POT1: variants seen among roughly 807,000 people sequenced by gnomAD.
POT1 encodes the protein protection of telomeres 1.
A neutral mutation model predicts 78.5 loss-of-function variants in POT1; 47 were observed. The ratio of observed to expected loss-of-function variants is 0.60; its 90% CI spans 0.47 to 0.76. POT1 has a LOEUF of 0.76. POT1 is among the 30% of genes least tolerant of loss of function. The probability of loss-of-function intolerance (pLI) is 0.00; values close to 1 mark genes in which losing one functional copy is unlikely to be tolerated. For missense variants in POT1, 646 were observed against 749.9 expected (o/e 0.86, Z 1.62); for synonymous variants, 259 against 260.7 (o/e 0.99, Z 0.06).
At chr7:124,834,071 C>T (rs187553393) in intron 15 of POT1, among the ~76,000 whole-genome samples, 1 of 152,192 alleles carries the variant, frequency 6.6e-6, no homozygotes, top group Admixed American at 6.5e-5. Context: ...AAAACTGAAA[C>T]TGGATCCCCT....
intron 8 of POT1, 34 bp from the exon 9 acceptor site, chr7:124,859,146 T>G: frequency 3.5e-6 from 5 of 1,429,386 alleles, no homozygotes; most frequent in Non-Finnish European, 4.6e-6. Context: ...TTTATGATCC[T>G]TTTGAAAAAA....
intron 14 of POT1, among the ~76,000 whole-genome samples, chr7:124,835,692 C>T (rs1794883709): frequency 6.6e-6 from 1 of 152,078 alleles, no homozygotes; most frequent in Non-Finnish European, 1.5e-5. Context: ...TTCAGGAACA[C>T]TTTGGTTCAA....
At chr7:124,860,264 C>T (rs1795554817) in intron 8 of POT1, among the ~76,000 whole-genome samples, 1 of 151,930 alleles carries the variant, frequency 6.6e-6, no homozygotes, top group South Asian at 2.1e-4. Flanking sequence ...CTACAGTAAT[C>T]ACTAAATAGA....
chr7:124,836,987 A>G (rs1794914873), intron 14 of POT1, among the ~76,000 whole-genome samples: 1 of 152,240 alleles, frequency 6.6e-6, no homozygotes, highest in Non-Finnish European at 1.5e-5. Flanking sequence ...TTACATGTAT[A>G]TATGTGCATA....
chr7:124,847,983 G>C (rs142375723), intron 11 of POT1, among the ~76,000 whole-genome samples: 1 of 152,204 alleles, frequency 6.6e-6, no homozygotes, highest in African/African-American at 2.4e-5. Context: ...ATAACAACTA[G>C]AAATTCCTAT....
At chr7:124,877,556 A>G (rs886575816) in intron 6 of POT1, among the ~76,000 whole-genome samples, 2 of 151,860 alleles carry the variant, frequency 1.3e-5, no homozygotes, top group African/African-American at 4.8e-5. Flanking sequence ...AGAGTAATCA[A>G]CCGGTCGTGG....
intron 2 of POT1, among the ~76,000 whole-genome samples, chr7:124,923,098 G>A (rs1797190815): frequency 6.6e-6 from 1 of 150,972 alleles, no homozygotes; most frequent in South Asian, 2.1e-4. Context: ...AAGGGCACAG[G>A]AAACATGAAA....
intron 6 of POT1, among the ~76,000 whole-genome samples, chr7:124,877,531 G>C (rs772539843): frequency 6.6e-6 from 1 of 151,596 alleles, no homozygotes; most frequent in Non-Finnish European, 1.5e-5. Flanking sequence ...AGAAAGGAGA[G>C]GTCCATTAAA....
chr7:124,858,575 T>A (rs938544649), intron 9 of POT1, among the ~76,000 whole-genome samples: 3 of 152,004 alleles, frequency 2.0e-5, no homozygotes, highest in Non-Finnish European at 4.4e-5. Flanking sequence ...GTTAAACTAA[T>A]GAACAAAAAG....
At chr7:124,843,682 G>C (rs182744212) in intron 12 of POT1, among the ~76,000 whole-genome samples, 6 of 152,300 alleles carry the variant, frequency 3.9e-5, no homozygotes, top group African/African-American at 1.4e-4. Flanking sequence ...CTGGGAAAAA[G>C]TATAAAATTG....
intron 9 of POT1, among the ~76,000 whole-genome samples, chr7:124,854,035 C>T (rs1795382093): frequency 6.6e-6 from 1 of 151,874 alleles, no homozygotes; most frequent in Admixed American, 6.6e-5. Flanking sequence ...AGGGATACCA[C>T]TTTTTTTCCC....
chr7:124,853,804 T>C (rs1795376724), intron 9 of POT1, among the ~76,000 whole-genome samples: 2 of 152,100 alleles, frequency 1.3e-5, no homozygotes, highest in South Asian at 2.1e-4. Context: ...AGTCTACAAA[T>C]GTCTTTAATT....
intron 14 of POT1, among the ~76,000 whole-genome samples, chr7:124,836,964 C>T (rs1351671031): frequency 6.6e-6 from 1 of 152,074 alleles, no homozygotes; most frequent in African/African-American, 2.4e-5. Context: ...TGAATAAGAA[C>T]AAAGAAAGAC....
intron 6 of POT1, among the ~76,000 whole-genome samples, chr7:124,873,711 C>T (rs1478842778): frequency 3.3e-5 from 5 of 152,070 alleles, no homozygotes; most frequent in African/African-American, 4.8e-5. Flanking sequence ...TTTGATGCTG[C>T]CTATATACAT....
At chr7:124,892,010 T>C (rs1796383011) in intron 6 of POT1, among the ~76,000 whole-genome samples, 1 of 151,632 alleles carries the variant, frequency 6.6e-6, no homozygotes, top group Admixed American at 6.6e-5. Context: ...AATTTTATAT[T>C]TTCATATGGT....
At chr7:124,886,726 T>C (rs751401027) in intron 6 of POT1, among the ~76,000 whole-genome samples, 3 of 152,116 alleles carry the variant, frequency 2.0e-5, no homozygotes, top group African/African-American at 7.2e-5. Flanking sequence ...GATAGAGATA[T>C]AAGACACATA....
At chr7:124,838,330 TA>T (rs547979623) in intron 14 of POT1, among the ~76,000 whole-genome samples, 22 of 149,416 alleles carry the variant, frequency 1.5e-4, no homozygotes, top group South Asian at 2.1e-4. Context: ...CAAGGTTAAT[TA>T]AAAAAAAAAT....
chr7:124,855,218 C>CAAAAAAAAAAAAAAAAAAAAAAA (rs550056711), intron 9 of POT1, among the ~76,000 whole-genome samples: 2 of 52,490 alleles, frequency 3.8e-5, no homozygotes, highest in Non-Finnish European at 6.7e-5. Flanking sequence ...GAGAGGAGAG[C>CAAAAAAAAAAAAAAAAAAAAAAA]AAAAAAAAAA....
intron 7 of POT1, among the ~76,000 whole-genome samples, chr7:124,863,857 C>T (rs1237854138): frequency 1.3e-5 from 2 of 152,030 alleles, no homozygotes; most frequent in South Asian, 4.1e-4. Context: ...AACTGTGAAC[C>T]TCCATGCAAA....
Sources: allele counts gnomAD v4.1 joint callset (sites outside exome capture counted in the v4.1 genomes callset), GRCh38; gene constraint gnomAD v4.1.1; transcripts MANE v1.5; gene names NCBI Gene and HGNC (gene_info 2026-07-23, HGNC 2026-07-21).